ESYT3: variants seen among roughly 807,000 people sequenced by gnomAD.
ESYT3 encodes extended synaptotagmin 3.
Under a neutral mutation model 111.5 loss-of-function variants are expected in ESYT3, and 101 were observed. The observed-to-expected ratio is 0.91, with a 90% confidence interval of 0.77 to 1.07. The LOEUF is 1.07. ESYT3 is among the 50% of genes least tolerant of loss of function. The pLI is 0.00. For synonymous variants in ESYT3, 416 were observed against 446.8 expected (o/e 0.93, Z 0.87); for missense variants, 1,097 against 1,109.4 (o/e 0.99, Z 0.16).
chr3:138,476,758 T>C, intron 22 of ESYT3, 60 bp from the exon 23 acceptor site: 1 of 1,551,126 alleles, frequency 6.4e-7, no homozygotes, highest in Non-Finnish European at 8.9e-7. Flanking sequence ...AGGCAGTTTG[T>C]CCTGTTACCA....
chr3:138,481,242 CATAAAA>C (rs1324966836), downstream of ESYT3: 1 of 152,186 alleles, frequency 6.6e-6, no homozygotes, highest in African/African-American at 2.4e-5. Context: ...TACTTCTGTT[CATAAAA>C]ATAAACTATA....
chr3:138,476,380 T>G, intron 21 of ESYT3, 52 bp downstream of exon 21: 1 of 1,602,960 alleles, frequency 6.2e-7, no homozygotes, highest in East Asian at 2.2e-5. Flanking sequence ...CAATTCGCCT[T>G]ATCCCAATTT....
chr3:138,472,722 C>T lies in ESYT3; in HGVS notation c.2100C>T (p.Pro700=), dbSNP rs758797385. 16 of 1,614,096 alleles carry T rather than the reference C, an allele frequency of 9.9e-6. No individual in the cohort carries two copies. Among genetic ancestry groups the T allele is most frequent in the African/African-American group, 2.7e-5 (2 of 74,940 alleles). The change falls in exon 18 of 23, where the codon CCC becomes CCT. Residue 700 remains proline (P), a synonymous_variant. Coordinates refer to ENST00000389567, the MANE Select transcript of ESYT3 (RefSeq NM_031913.5). ...TCCCAGGTCCCCACTCTCCAGGGCC[C>T]ATCAAGTCACCCAGACCCATGAAAT... ...LTVPGPHSPG[P]IKSPRPMKCP...
chr3:138,468,189 A>T lies in ESYT3; in HGVS notation c.1303A>T (p.Thr435Ser). 1.9e-6 allele frequency: 3 copies of T among 1,613,900 alleles called. No homozygotes were observed. The highest frequency in any genetic ancestry group is 2.5e-6 in the Non-Finnish European group (3 of 1,179,914). ...ATTGCTTACTGACCAAGAAGTTCTG[A>T]CTGAGGTGAGTGTGGGGTGTCAAGG... ...LSLLTDQEVL[T>S]EDHGGLSTAI... The change falls in exon 12 of 23, where the codon ACT (threonine) becomes TCT (serine). Residue 435 changes from threonine to serine, a missense_variant. Thr to Ser is a moderately conservative substitution (Grantham distance 58). Transcript: ENST00000389567.
intron 17 of ESYT3, among the ~76,000 whole-genome samples, chr3:138,471,413 T>C (rs1453844227): frequency 1.3e-5 from 2 of 152,228 alleles, no homozygotes; most frequent in African/African-American, 4.8e-5. Context: ...GTTTAACCTG[T>C]TCATAGTTTT....
intron 11 of ESYT3, 44 bp downstream of exon 11, chr3:138,467,653 C>G (rs1258934528): frequency 6.3e-7 from 1 of 1,595,118 alleles, no homozygotes; most frequent in Non-Finnish European, 8.6e-7. Flanking sequence ...TCAAGGTAGC[C>G]CTTTCCTGTG....
intron 1 of ESYT3, among the ~76,000 whole-genome samples, chr3:138,439,424 C>T (rs542452549): frequency 1.1e-4 from 16 of 152,236 alleles, no homozygotes; most frequent in Middle Eastern, 3.4e-3. Flanking sequence ...CTGTGCTGCC[C>T]GCGCTAGAGC....
At chr3:138,462,938 C>T (rs2032725936) in intron 8 of ESYT3, among the ~76,000 whole-genome samples, 1 of 152,222 alleles carries the variant, frequency 6.6e-6, no homozygotes, top group South Asian at 2.1e-4. Context: ...GCTGGGATTA[C>T]AGGCATGAGC....
chr3:138,463,594 C>T (rs902251558), intron 8 of ESYT3, among the ~76,000 whole-genome samples: 1 of 152,116 alleles, frequency 6.6e-6, no homozygotes, highest in African/African-American at 2.4e-5. Context: ...TAATGAATAG[C>T]CTTGCATACA....
At chr3:138,436,072 C>T (rs986157825) in intron 1 of ESYT3, among the ~76,000 whole-genome samples, 1 of 152,136 alleles carries the variant, frequency 6.6e-6, no homozygotes, top group African/African-American at 2.4e-5. Context: ...GCCATAGGTT[C>T]CTCCTGACAG....
chr3:138,473,586 G>A lies in ESYT3; in HGVS notation c.2288G>A (p.Arg763His), dbSNP rs369262503. 15 of 1,613,916 alleles carry A rather than the reference G, an allele frequency of 9.3e-6. No individual in the cohort carries two copies. The highest frequency in any genetic ancestry group is 6.7e-5 in the African/African-American group (5 of 75,034). ...RQLGEIQLTV[R>H]YVCLRRCLSV... ...CTGGGTGAGATTCAGCTCACAGTGC[G>A]CTATGTGTGTCTGCGGCGCTGCCTC... is the stretch of plus-strand genomic sequence containing the variant. The change falls in exon 19 of 23, where the codon CGC becomes CAC. Residue 763 changes from arginine to histidine, a missense_variant. Arg to His is a conservative substitution (Grantham distance 29). Coordinates refer to ENST00000389567, the MANE Select transcript of ESYT3 (RefSeq NM_031913.5).
chr3:138,436,207 C>G (rs1275002171), intron 1 of ESYT3, among the ~76,000 whole-genome samples: 1 of 152,204 alleles, frequency 6.6e-6, no homozygotes, highest in African/African-American at 2.4e-5. Flanking sequence ...GCTTAAGCAG[C>G]AGACACTTTT....
rs1202150581 is a variant in ESYT3 at position 138,472,794 on chromosome 3, C to G, written c.2172C>G (p.Ser724Arg). 3 of 1,614,122 alleles carry G rather than the reference C, an allele frequency of 1.9e-6. No individual in the cohort carries two copies. Among genetic ancestry groups the G allele is most frequent in the African/African-American group, 2.7e-5 (2 of 74,946 alleles). The part of the protein sequence containing the change: ...FAWPPKRLAP[S>R]MSSLNSLASS... Reference sequence around the variant, plus strand: ...GGCCGCCCAAGAGGCTGGCTCCCAGCATGTCCTCGCTCAACTCCTTGGCCT... The same window carrying G: ...GGCCGCCCAAGAGGCTGGCTCCCAGGATGTCCTCGCTCAACTCCTTGGCCT... Residue 724 changes from serine to arginine, a missense_variant, in exon 18 of 23, where the codon AGC becomes AGG. Physicochemically the swap from Ser to Arg is moderately radical, Grantham distance 110 (BLOSUM62 -1). Transcript: ENST00000389567.
rs1261866837 is a variant in ESYT3 at position 138,472,355 on chromosome 3, G to C, written c.1741-8G>C. On this transcript the variant is annotated splice_polypyrimidine_tract_variant and splice_region_variant and intron_variant, in intron 17 of 22. Coordinates refer to ENST00000389567, the MANE Select transcript of ESYT3 (RefSeq NM_031913.5). ...CAGCTCATAAGCCACCCTCTTATCT[G>C]CTTGCAGTTCCTGCAAGTGGAGGAA... 6.2e-7 allele frequency: 1 copy of C among 1,612,198 alleles called. No individual in the cohort carries two copies. The highest frequency in any genetic ancestry group is 8.5e-7 in the Non-Finnish European group (1 of 1,179,270).
Position 138,474,261 on chromosome 3 carries a change from G to T in ESYT3, c.2377G>T (p.Val793Phe). ...PCTSSGADPY[V>F]RVYLLPERKW... ...TACCAGCAGTGGAGCTGATCCCTAC[G>T]TCCGTGTCTACTTGTTGCCAGAAAG... The change falls in exon 20 of 23, where the codon GTC becomes TTC. Residue 793 changes from valine to phenylalanine, a missense_variant. Physicochemically the swap from Val to Phe is conservative, Grantham distance 50 (BLOSUM62 -1). Coordinates refer to ENST00000389567, the MANE Select transcript of ESYT3 (RefSeq NM_031913.5). The T allele has an allele frequency of 1.2e-6, 2 of 1,611,466 alleles. No individual in the cohort carries two copies. The highest frequency in any genetic ancestry group is 1.3e-5 in the African/African-American group (1 of 74,594).
chr3:138,437,113 C>A (rs2030765998), intron 1 of ESYT3, among the ~76,000 whole-genome samples: 1 of 152,072 alleles, frequency 6.6e-6, no homozygotes, highest in South Asian at 2.1e-4. Context: ...AGGCTTGACC[C>A]AGCTGGGTAG....
At chr3:138,457,794 CT>C in intron 4 of ESYT3, 150 bp downstream of exon 4, 1 of 754,068 alleles carries the variant, frequency 1.3e-6, no homozygotes, top group Non-Finnish European at 2.2e-6. Flanking sequence ...CTCCCATCCC[CT>C]GGCATACTCT....
chr3:138,462,186 C>T lies in ESYT3; in HGVS notation c.895C>T (p.Leu299=), dbSNP rs145754623. The change falls in exon 8 of 23, where the codon CTG becomes TTG. Residue 299 remains leucine (L), a synonymous_variant. Coordinates refer to ENST00000389567, the MANE Select transcript of ESYT3 (RefSeq NM_031913.5). The part of the protein sequence containing the change: ...PVKKGLDLTN[L]RFPLPCGVIR... ...GAAGAAGGGGCTGGATCTGACCAACCTGCGCTTCCCTCTGCCCTGTGTGAG... is the reference window on the plus strand; with the variant it reads ...GAAGAAGGGGCTGGATCTGACCAACTTGCGCTTCCCTCTGCCCTGTGTGAG... The T allele has an allele frequency of 6.2e-7, 1 of 1,614,234 alleles. No individual in the cohort carries two copies. Among genetic ancestry groups the T allele is most frequent in the Non-Finnish European group, 8.5e-7 (1 of 1,180,040 alleles).
At chr3:138,436,831 A>G (rs984898187) in intron 1 of ESYT3, among the ~76,000 whole-genome samples, 1 of 152,190 alleles carries the variant, frequency 6.6e-6, no homozygotes, top group African/African-American at 2.4e-5. Context: ...AGTCTTCACC[A>G]AGTAACATCC....
Sources: allele counts gnomAD v4.1 joint callset (sites outside exome capture counted in the v4.1 genomes callset), GRCh38; gene constraint gnomAD v4.1.1; transcripts MANE v1.5; gene names NCBI Gene and HGNC (gene_info 2026-07-23, HGNC 2026-07-21).